Variants in RIT1 observed in about 807,000 individuals in gnomAD.
RIT1 encodes Ras like without CAAX 1.
RIT1 carries 6 observed loss-of-function variants against 25.6 expected under a neutral mutation model. That is an observed-to-expected ratio of 0.23 (90% confidence interval 0.13 to 0.46). The LOEUF (loss-of-function observed/expected upper bound fraction) is 0.46, where lower values mean the gene tolerates loss of function less well. RIT1 is among the 20% of genes least tolerant of loss of function. The probability of loss-of-function intolerance (pLI) is 0.99; values close to 1 mark genes in which losing one functional copy is unlikely to be tolerated. For synonymous variants in RIT1, 81 were observed against 94.1 expected (o/e 0.86, Z 0.80); for missense variants, 219 against 284.4 (o/e 0.77, Z 1.65).
Position 155,900,324 on chromosome 1 carries a change from G to T in RIT1, c.*64C>A. 1 of 1,154,362 alleles carries T rather than the reference G, an allele frequency of 8.7e-7. No individual in the cohort carries two copies. The highest frequency in any genetic ancestry group is 1.3e-6 in the Non-Finnish European group (1 of 773,032). 71.5% of individuals were successfully genotyped at this position (1,154,362 alleles called of 1,614,324 possible). A position where few individuals can be genotyped will look rare whatever the true frequency, so the allele number is the denominator to read the frequency against. On this transcript the variant is annotated 3_prime_UTR_variant, in exon 6 of 6. Transcript: ENST00000368323. ...AAGAGCAAGCACCATACTCAGTACTGCAGGTTACTGGACTGCTTTGATACA... is the reference window on the plus strand; with the variant it reads ...AAGAGCAAGCACCATACTCAGTACTTCAGGTTACTGGACTGCTTTGATACA...
At position 155,906,785 on chromosome 1, in the gene RIT1, GA is replaced by G. The variant is rs1158024516; in HGVS notation, c.164-1982del. Reference sequence around the variant, plus strand: ...CTCAAAAAAAAAAAAAAAAAAAAAAGAAAAAAAGAAAAAAAAAGAAAGAAAA... The same window carrying G: ...CTCAAAAAAAAAAAAAAAAAAAAAAGAAAAAAGAAAAAAAAAGAAAGAAAA... On this transcript the variant is annotated intron_variant, in intron 3 of 5. Coordinates refer to ENST00000368323, the MANE Select transcript of RIT1 (RefSeq NM_006912.6). 3.1e-5 allele frequency among the ~76,000 whole-genome samples: 4 copies of G among 130,826 alleles called. No homozygotes were observed. In the East Asian group the frequency reaches 6.4e-4, roughly 21 times the overall value. The allele number at this position is 130,826 out of a possible 152,430, so 85.8% of individuals were successfully genotyped here.
intron 3 of RIT1, among the ~76,000 whole-genome samples, chr1:155,906,308 AAC>A (rs1438474575): frequency 6.6e-6 from 1 of 152,164 alleles, no homozygotes; most frequent in African/African-American, 2.4e-5. Flanking sequence ...ATTTCCTTTT[AAC>A]ATTTTTTCTT....
At chr1:155,910,347 G>T in intron 3 of RIT1, 103 bp downstream of exon 3, 1 of 957,602 alleles carries the variant, frequency 1.0e-6, no homozygotes. Context: ...ATCTGAATTA[G>T]ACTCCAAAAA....
intron 3 of RIT1, among the ~76,000 whole-genome samples, chr1:155,906,872 C>A (rs919300315): frequency 1.3e-5 from 2 of 151,700 alleles, no homozygotes; most frequent in Admixed American, 6.6e-5. Context: ...TTGGGAGGTC[C>A]AGGTGGGAGG....
chr1:155,903,022 G>A (rs1235020433), intron 5 of RIT1, among the ~76,000 whole-genome samples: 1 of 151,816 alleles, frequency 6.6e-6, no homozygotes, highest in East Asian at 1.9e-4. Flanking sequence ...ATTAGGCCGG[G>A]CGCGGTGGCT....
chr1:155,904,553 A>C, intron 4 of RIT1, 51 bp from the exon 5 acceptor site: 1 of 1,492,252 alleles, frequency 6.7e-7, no homozygotes, highest in Non-Finnish European at 9.3e-7. Context: ...GCCCAACTAC[A>C]CACACAATTA....
At chr1:155,904,283 T>TA in intron 5 of RIT1, 28 bp downstream of exon 5, 1 of 1,485,760 alleles carries the variant, frequency 6.7e-7, no homozygotes, top group Non-Finnish European at 9.4e-7. Context: ...TATAAGATTA[T>TA]AGACAGTATT....
At chr1:155,901,110 C>G (rs1393311034) in intron 5 of RIT1, among the ~76,000 whole-genome samples, 1 of 152,116 alleles carries the variant, frequency 6.6e-6, no homozygotes. Flanking sequence ...CCACTGTGCC[C>G]GGTCTCTAGT....
intron 3 of RIT1, among the ~76,000 whole-genome samples, chr1:155,908,964 A>G (rs575211595): frequency 6.0e-4 from 91 of 152,238 alleles, no homozygotes; most frequent in Middle Eastern, 3.4e-3. Flanking sequence ...TGAAATGACC[A>G]TATCAAAGCT....
At chr1:155,903,093 C>T (rs1269637844) in intron 5 of RIT1, among the ~76,000 whole-genome samples, 21 of 151,696 alleles carry the variant, frequency 1.4e-4, no homozygotes, top group Admixed American at 8.5e-4. Context: ...GTCAGGAGAT[C>T]GAGACCATCC....
intron 1 of RIT1, 25 bp downstream of exon 1, chr1:155,911,218 G>A (rs902506999): frequency 9.7e-6 from 3 of 307,924 alleles, no homozygotes; most frequent in Admixed American, 8.0e-5. Flanking sequence ...CTGCTGCTCC[G>A]CCGCCAGACT....
chr1:155,900,289 A>T lies in RIT1; in HGVS notation c.*99T>A. On this transcript the variant is annotated 3_prime_UTR_variant, in exon 6 of 6. Coordinates refer to ENST00000368323, the MANE Select transcript of RIT1 (RefSeq NM_006912.6). Reference sequence around the variant, plus strand: ...TCCTAGTAGGCATGTCCCTCTTATCAGTTAAGTGAAAGAGCAAGCACCATA... The same window carrying T: ...TCCTAGTAGGCATGTCCCTCTTATCTGTTAAGTGAAAGAGCAAGCACCATA... 2.5e-6 allele frequency: 2 copies of T among 792,210 alleles called. No homozygotes were observed. Among genetic ancestry groups the T allele is most frequent in the Non-Finnish European group, 4.2e-6 (2 of 475,774 alleles). 49.1% of individuals were successfully genotyped at this position (792,210 alleles called of 1,614,324 possible). A position where few individuals can be genotyped will look rare whatever the true frequency, so the allele number is the denominator to read the frequency against.
Position 155,910,721 on chromosome 1 carries a change from C to A in RIT1, c.41G>T (p.Ser14Ile). Residue 14 changes from serine to isoleucine, a missense_variant, in exon 2 of 6, where the codon AGC becomes ATC. By Grantham distance (142) the Ser-to-Ile change is moderately radical. Coordinates refer to ENST00000368323, the MANE Select transcript of RIT1 (RefSeq NM_006912.6). ...GTRPVGSCCS[S>I]PAGLSREYKL... The stretch of plus-strand genomic sequence containing the variant: ...GTACTCCCGTGAGAGCCCAGCGGGG[C>A]TGCTACAGCAGCTACCAACTGGGCG... 1 of 1,614,270 alleles carries A rather than the reference C, an allele frequency of 6.2e-7. No individual in the cohort carries two copies. Among genetic ancestry groups the A allele is most frequent in the Non-Finnish European group, 8.5e-7 (1 of 1,180,036 alleles).
intron 3 of RIT1, among the ~76,000 whole-genome samples, chr1:155,909,113 C>T (rs757880512): frequency 2.0e-5 from 3 of 151,886 alleles, no homozygotes; most frequent in South Asian, 2.1e-4. Context: ...GCAGTGGTCA[C>T]GCCTGTAATC....
chr1:155,903,573 ATAATTTCTAC>A (rs1673363731), intron 5 of RIT1, among the ~76,000 whole-genome samples: 1 of 152,154 alleles, frequency 6.6e-6, no homozygotes, highest in African/African-American at 2.4e-5. Flanking sequence ...TGGATATGCC[ATAATTTCTAC>A]TTTTGGACAG....
In RIT1 at chr1:155,900,469, CATGGCCAGT is replaced by C; in HGVS notation, c.570_578del (p.Leu191_Met193del). Reference sequence around the variant, plus strand: ...TGTTTTTGGGCTTAGATTTTTTCTCCATGGCCAGTACTGCCTCCTTTTCTTTCCTACGTA... The same window carrying C: ...TGTTTTTGGGCTTAGATTTTTTCTCCACTGCCTCCTTTTCTTTCCTACGTA... On this transcript the variant is annotated inframe_deletion, in exon 6 of 6. Coordinates refer to ENST00000368323, the MANE Select transcript of RIT1 (RefSeq NM_006912.6). 4 of 1,614,058 alleles carry C rather than the reference CATGGCCAGT, an allele frequency of 2.5e-6. No individual in the cohort carries two copies. The highest frequency in any genetic ancestry group is 3.4e-6 in the Non-Finnish European group (4 of 1,180,006).
At chr1:155,909,160 G>A (rs1673523278) in intron 3 of RIT1, among the ~76,000 whole-genome samples, 1 of 151,836 alleles carries the variant, frequency 6.6e-6, no homozygotes, top group African/African-American at 2.4e-5. Context: ...CAGATCACGA[G>A]GTCAGGAGAT....
In RIT1 at chr1:155,904,767, C is replaced by T. The variant is rs1254003235; in HGVS notation, c.201G>A (p.Glu67=). 1.6e-5 allele frequency: 25 copies of T among 1,612,728 alleles called. No homozygotes were observed. Among genetic ancestry groups the T allele is most frequent in the Non-Finnish European group, 1.7e-5 (20 of 1,178,808 alleles). ...AYKIRIRIDD[E]PANLDILDTA... is the part of the protein sequence containing the mutation. ...TATCCAAAATGTCCAGATTGGCAGG[C>T]TCATCATCAATACGGATCCTGATCT... Residue 67 remains glutamate, a synonymous_variant, in exon 4 of 6, where the codon GAG becomes GAA. Coordinates refer to ENST00000368323, the MANE Select transcript of RIT1 (RefSeq NM_006912.6).
chr1:155,910,591 T>C lies in RIT1; in HGVS notation c.106+65A>G, dbSNP rs1673574327. ...AGTATTAACATTGCAAGATAGCAAG[T>C]ATCCCATCTGGTCATTTAAGTACTT... On this transcript the variant is annotated intron_variant, in intron 2 of 5. Coordinates refer to ENST00000368323, the MANE Select transcript of RIT1 (RefSeq NM_006912.6). The C allele has an allele frequency of 3.7e-6, 6 of 1,601,730 alleles. No homozygotes were observed. In the East Asian group the frequency reaches 6.7e-5, roughly 18 times the overall value.
Sources: gnomAD v4.1 joint callset for allele counts (sites outside exome capture counted in the v4.1 genomes callset) on GRCh38, gnomAD v4.1.1 for gene constraint, MANE v1.5 for transcripts, NCBI Gene and HGNC (gene_info 2026-07-23, HGNC 2026-07-21) for gene names.